The following NUDCD3 variants were observed in gnomAD, a reference collection of about 807,000 sequenced individuals.
NUDCD3 encodes the protein nudC domain-containing protein 3.
A neutral mutation model predicts 39.7 loss-of-function variants in NUDCD3; 13 were observed. The ratio of observed to expected loss-of-function variants is 0.33; its 90% CI spans 0.21 to 0.52. The LOEUF is 0.52. Among genes scored for constraint, NUDCD3 ranks in the 20% least tolerant of loss-of-function variants. The pLI is 0.96. For synonymous variants in NUDCD3, 175 were observed against 172.4 expected (o/e 1.02, Z -0.12); for missense variants, 453 against 458.1 (o/e 0.99, Z 0.10).
At chr7:44,475,135 G>A (rs1174995218) in intron 2 of NUDCD3, among the ~76,000 whole-genome samples, 1 of 142,088 alleles carries the variant, frequency 7.0e-6, no homozygotes, top group Admixed American at 7.2e-5. Flanking sequence ...TTTTTGAGAC[G>A]AAGTCTCGCT....
chr7:44,487,770 G>A (rs1207610052), intron 1 of NUDCD3, among the ~76,000 whole-genome samples: 1 of 151,474 alleles, frequency 6.6e-6, no homozygotes, highest in African/African-American at 2.4e-5. Flanking sequence ...GGCCAACACG[G>A]TGAAACCCCA....
At chr7:44,404,342 C>A in intron 4 of NUDCD3, 98 bp downstream of exon 4, 1 of 1,259,232 alleles carries the variant, frequency 7.9e-7, no homozygotes. Context: ...AATTAACAAC[C>A]TCACTGCTTA....
At chr7:44,386,620 T>C (rs1270508498) in intron 5 of NUDCD3, among the ~76,000 whole-genome samples, 1 of 152,178 alleles carries the variant, frequency 6.6e-6, no homozygotes, top group African/African-American at 2.4e-5. Context: ...TCAAGAACTA[T>C]ATCATCAGAC....
chr7:44,421,655 C>G (rs10216006), intron 3 of NUDCD3, among the ~76,000 whole-genome samples: 19,554 of 152,014 alleles, frequency 0.13, 1,665 homozygotes, highest in Non-Finnish European at 0.19. Context: ...TACAGGAGCA[C>G]CCAGATTCAT....
chr7:44,487,569 T>C (rs139260838), intron 1 of NUDCD3, among the ~76,000 whole-genome samples: 1 of 152,024 alleles, frequency 6.6e-6, no homozygotes, highest in African/African-American at 2.4e-5. Flanking sequence ...CTCAGTCTCA[T>C]TCAGTGTTGT....
intron 2 of NUDCD3, among the ~76,000 whole-genome samples, chr7:44,478,238 C>T (rs1251091748): frequency 6.6e-6 from 1 of 152,202 alleles, no homozygotes; most frequent in Admixed American, 6.5e-5. Context: ...TCTCTCTCTT[C>T]TCTGAGGAAT....
chr7:44,426,230 A>G (rs1799232559), intron 3 of NUDCD3: 1 of 862,456 alleles, frequency 1.2e-6, no homozygotes, highest in Non-Finnish European at 1.4e-6. Context: ...GCTGAGGGGA[A>G]CAAAGGCCCA....
chr7:44,450,327 G>GCTA (rs1284637823), intron 2 of NUDCD3, among the ~76,000 whole-genome samples: 1 of 151,954 alleles, frequency 6.6e-6, no homozygotes, highest in Non-Finnish European at 1.5e-5. Context: ...TAGGCAATGT[G>GCTA]CTACCACACC....
chr7:44,487,732 C>T (rs1415270352), intron 1 of NUDCD3, among the ~76,000 whole-genome samples: 1 of 150,840 alleles, frequency 6.6e-6, no homozygotes, highest in Non-Finnish European at 1.5e-5. Flanking sequence ...CGGGTGATCA[C>T]CTGAGGTCAG....
chr7:44,468,416 A>C, intron 2 of NUDCD3: 1 of 807,008 alleles, frequency 1.2e-6, no homozygotes, highest in East Asian at 2.7e-5. Flanking sequence ...TTGTTTGTTC[A>C]ATGCCAGACA....
At chr7:44,448,812 T>G (rs1264655643) in intron 2 of NUDCD3, among the ~76,000 whole-genome samples, 1 of 152,158 alleles carries the variant, frequency 6.6e-6, no homozygotes, top group Non-Finnish European at 1.5e-5. Context: ...ACTTCATAGG[T>G]CTTGCTTCCT....
intron 2 of NUDCD3, among the ~76,000 whole-genome samples, chr7:44,475,550 G>C (rs1381253389): frequency 1.3e-5 from 2 of 152,098 alleles, no homozygotes; most frequent in African/African-American, 2.4e-5. Context: ...TTAAGCCCAG[G>C]AGTTTGAGAC....
chr7:44,455,837 T>A (rs976867410), intron 2 of NUDCD3, among the ~76,000 whole-genome samples: 1 of 151,222 alleles, frequency 6.6e-6, no homozygotes, highest in African/African-American at 2.4e-5. Context: ...CCATCCCGGC[T>A]AAAACGGTGA....
intron 4 of NUDCD3, chr7:44,402,549 G>T (rs1185025728): frequency 2.3e-6 from 1 of 427,562 alleles, no homozygotes; most frequent in African/African-American, 2.0e-5. Context: ...TCCAAATACG[G>T]TGGCTATGGG....
intron 4 of NUDCD3, among the ~76,000 whole-genome samples, chr7:44,394,137 G>C (rs1182398995): frequency 2.0e-5 from 3 of 152,186 alleles, no homozygotes; most frequent in Non-Finnish European, 2.9e-5. Flanking sequence ...TCCAGAACTG[G>C]GAAGAGCAAG....
At chr7:44,456,025 CAAAAAAAAAAAA>C (rs1233592095) in intron 2 of NUDCD3, among the ~76,000 whole-genome samples, 1,866 of 28,616 alleles carry the variant, frequency 0.065, 89 homozygotes, top group African/African-American at 0.25. Context: ...GACTCCGTCT[CAAAAAAAAAAAA>C]AAAAAAAAAA....
At chr7:44,426,652 C>T (rs1179831857) in intron 3 of NUDCD3, among the ~76,000 whole-genome samples, 5 of 151,898 alleles carry the variant, frequency 3.3e-5, no homozygotes, top group South Asian at 2.1e-4. Context: ...AAAAATTAGC[C>T]GGGCGTAGTG....
chr7:44,439,288 T>C (rs911156722), intron 2 of NUDCD3, among the ~76,000 whole-genome samples: 2 of 151,810 alleles, frequency 1.3e-5, no homozygotes, highest in East Asian at 1.9e-4. Context: ...TTAAAAGAGG[T>C]TGTTAAATGC....
chr7:44,405,786 C>T (rs1041224347), intron 3 of NUDCD3, among the ~76,000 whole-genome samples: 5 of 151,948 alleles, frequency 3.3e-5, no homozygotes, highest in African/African-American at 7.3e-5. Flanking sequence ...CAGGAGTCAC[C>T]GCTGTCAGTT....
Sources: gnomAD v4.1 joint callset for allele counts (sites outside exome capture counted in the v4.1 genomes callset) on GRCh38, gnomAD v4.1.1 for gene constraint, MANE v1.5 for transcripts, NCBI Gene and HGNC (gene_info 2026-07-23, HGNC 2026-07-21) for gene names.